The following SYCP2L variants were observed in gnomAD, a reference collection of about 807,000 sequenced individuals.
SYCP2L encodes synaptonemal complex protein 2 like.
A neutral mutation model predicts 125.8 loss-of-function variants in SYCP2L; 98 were observed. That is an observed-to-expected ratio of 0.78 (90% confidence interval 0.66 to 0.92). SYCP2L has a LOEUF of 0.92. Among genes scored for constraint, SYCP2L ranks in the 40% least tolerant of loss-of-function variants. SYCP2L has a pLI of 0.00. For synonymous variants in SYCP2L, 317 were observed against 325.4 expected, an observed-to-expected ratio of 0.97 and a Z score of 0.28; for missense variants, 842 against 936.4, an observed-to-expected ratio of 0.90 and a Z score of 1.32.
intron 6 of SYCP2L, among the ~76,000 whole-genome samples, chr6:10,901,524 T>C (rs1314993339): frequency 6.6e-6 from 1 of 152,266 alleles, no homozygotes; most frequent in East Asian, 1.9e-4. Context: ...GCAGAGTTTC[T>C]CAATTTTGGC....
intron 23 of SYCP2L, among the ~76,000 whole-genome samples, chr6:10,950,837 T>C (rs923641090): frequency 6.6e-6 from 1 of 152,158 alleles, no homozygotes; most frequent in Admixed American, 6.5e-5. Flanking sequence ...ATTTTTGTAA[T>C]TTTCGTAGAG....
Position 10,930,514 on chromosome 6 carries a change from A to C in SYCP2L, c.1633A>C (p.Ile545Leu). The change falls in exon 19 of 30, where the codon ATC becomes CTC. Residue 545 changes from isoleucine to leucine, a missense_variant and splice_region_variant. Ile to Leu is a conservative substitution (Grantham distance 5, BLOSUM62 2). Coordinates refer to ENST00000283141, the MANE Select transcript of SYCP2L (RefSeq NM_001040274.3). ...GACAAGAACCAGAAGTAATTTGAGA[A>C]GTAAGTCTGGCATGTCTTCTTTTGA... ...KKTRTRSNLR[I>L]LPVFPPSSGS... is the part of the protein sequence containing the mutation. The C allele has an allele frequency of 6.2e-7, 1 of 1,608,888 alleles. No homozygotes were observed.
intron 20 of SYCP2L, among the ~76,000 whole-genome samples, 177 bp downstream of exon 20, chr6:10,931,666 G>C (rs1289502287): frequency 1.3e-5 from 2 of 152,184 alleles, no homozygotes; most frequent in South Asian, 4.1e-4. Context: ...GGGTAAGTAA[G>C]TGTTTAAGGT....
chr6:10,961,607 G>A (rs1366932439), intron 28 of SYCP2L, 49 bp downstream of exon 28: 3 of 1,579,770 alleles, frequency 1.9e-6, no homozygotes, highest in Non-Finnish European at 2.6e-6. Flanking sequence ...GAAGTATGAG[G>A]TAATGCTTTA....
At chr6:10,916,209 C>T (rs1780690838) in intron 14 of SYCP2L, among the ~76,000 whole-genome samples, 5 of 152,096 alleles carry the variant, frequency 3.3e-5, no homozygotes, top group Admixed American at 3.3e-4. Context: ...GATTTTCTCT[C>T]TTCTTTTCTT....
At chr6:10,933,643 C>T (rs1431197848) in intron 20 of SYCP2L, among the ~76,000 whole-genome samples, 1 of 152,160 alleles carries the variant, frequency 6.6e-6, no homozygotes, top group Non-Finnish European at 1.5e-5. Context: ...GTCTTACGAT[C>T]TTAGTATTTA....
intron 10 of SYCP2L, among the ~76,000 whole-genome samples, chr6:10,909,116 ATTTTTTTTT>A (rs67767345): frequency 2.1e-4 from 20 of 94,870 alleles, no homozygotes; most frequent in East Asian, 1.8e-3. Context: ...TCTCAATTGA[ATTTTTTTTT>A]TTTTTTTTTT....
At chr6:10,900,858 C>T (rs1780364722) in intron 6 of SYCP2L, among the ~76,000 whole-genome samples, 1 of 152,220 alleles carries the variant, frequency 6.6e-6, no homozygotes, top group African/African-American at 2.4e-5. Context: ...CTTAGCGGGG[C>T]TGGCCTCTCT....
chr6:10,887,710 A>G (rs531165291), intron 1 of SYCP2L, among the ~76,000 whole-genome samples: 1 of 152,246 alleles, frequency 6.6e-6, no homozygotes, highest in African/African-American at 2.4e-5. Flanking sequence ...TAATTGGTCT[A>G]CGGTGGGCCG....
intron 29 of SYCP2L, among the ~76,000 whole-genome samples, chr6:10,969,603 A>G (rs1235944660): frequency 6.6e-6 from 1 of 151,868 alleles, no homozygotes; most frequent in Non-Finnish European, 1.5e-5. Context: ...TGACCTCGTG[A>G]TCTGCCCGCC....
chr6:10,950,717 G>A (rs1286342281), intron 23 of SYCP2L, among the ~76,000 whole-genome samples: 1 of 152,106 alleles, frequency 6.6e-6, no homozygotes, highest in African/African-American at 2.4e-5. Context: ...CTGGAGTACG[G>A]TGTGCAATTT....
chr6:10,927,652 G>T (rs62395416), intron 17 of SYCP2L, among the ~76,000 whole-genome samples: 1 of 146,206 alleles, frequency 6.8e-6, no homozygotes, highest in Admixed American at 6.9e-5. Context: ...CCACAGGACC[G>T]GGGCGAAATT....
intron 29 of SYCP2L, 27 bp downstream of exon 29, chr6:10,963,870 G>T (rs564522210): frequency 6.3e-7 from 1 of 1,578,220 alleles, no homozygotes; most frequent in African/African-American, 1.3e-5. Flanking sequence ...GCATTGTTCA[G>T]TGGATGTGAA....
At chr6:10,930,234 C>T in intron 18 of SYCP2L, 136 bp from the exon 19 acceptor site, 1 of 846,638 alleles carries the variant, frequency 1.2e-6, no homozygotes, top group South Asian at 2.3e-5. Flanking sequence ...TACTTCTTTG[C>T]TTTTATATTA....
In SYCP2L at chr6:10,954,718, G is replaced by A. The variant is rs970827264; in HGVS notation, c.1955-398G>A. Among the ~76,000 whole-genome samples the A allele has an allele frequency of 2.0e-5, 3 of 152,324 alleles. No individual in the cohort carries two copies. The South Asian group carries it at 6.2e-4, about 32-fold the overall frequency. On this transcript the variant is annotated intron_variant, in intron 23 of 29. Transcript: ENST00000283141. This position sits in a 1 kb window ranked among gnomAD's most constrained non-coding sequence, Gnocchi z 4.8. ...GATGTGCCCGTGTCACCAGCAGATG[G>A]CGCGCTCCGGGGTGTGAGCTGAAGC...
chr6:10,958,879 A>C lies in SYCP2L; in HGVS notation c.2255+4A>C. 6.2e-7 allele frequency: 1 copy of C among 1,613,638 alleles called. No homozygotes were observed. On this transcript the variant is annotated splice_donor_region_variant and intron_variant, in intron 26 of 29. Transcript: ENST00000283141. ...TAAACCAGATGCAACTGTTCAGGTAAGTTTTAGGTTTCAAAACAAGGTCGT... is the reference window on the plus strand; with the variant it reads ...TAAACCAGATGCAACTGTTCAGGTACGTTTTAGGTTTCAAAACAAGGTCGT...
At chr6:10,970,401 G>A (rs59591226) in intron 29 of SYCP2L, among the ~76,000 whole-genome samples, 9,039 of 152,232 alleles carry the variant, frequency 0.059, 868 homozygotes, top group African/African-American at 0.2. Context: ...CTTACAGGCC[G>A]TGGTAAGGAG....
chr6:10,958,693 A>T, intron 25 of SYCP2L, 91 bp from the exon 26 acceptor site: 1 of 1,187,672 alleles, frequency 8.4e-7, no homozygotes, highest in South Asian at 1.4e-5. Context: ...ATATTATTAC[A>T]TGCTGGCAGC....
intron 29 of SYCP2L, among the ~76,000 whole-genome samples, chr6:10,967,782 C>T (rs1236567789): frequency 6.6e-6 from 1 of 152,168 alleles, no homozygotes; most frequent in Non-Finnish European, 1.5e-5. Flanking sequence ...AATTTCGGTT[C>T]TTTCTTCCTA....
Sources: allele counts gnomAD v4.1 joint callset (sites outside exome capture counted in the v4.1 genomes callset), GRCh38; gene constraint gnomAD v4.1.1; non-coding constraint Gnocchi (gnomAD v3.1); transcripts MANE v1.5; gene names NCBI Gene and HGNC (gene_info 2026-07-23, HGNC 2026-07-21).